Variants in LRBA observed in about 807,000 individuals in gnomAD.
LRBA encodes the protein lipopolysaccharide-responsive and beige-like anchor protein.
Under a neutral mutation model 330.0 loss-of-function variants are expected in LRBA, and 176 were observed. The observed-to-expected ratio is 0.53, with a 90% confidence interval of 0.47 to 0.60. The LOEUF is 0.60. Ranked by LOEUF, LRBA falls within the 20% of genes least tolerant of loss-of-function variation. The pLI is 0.00. For synonymous variants in LRBA, 1,230 were observed against 1,193.0 expected (o/e 1.03, Z -0.64); for missense variants, 3,259 against 3,444.8 (o/e 0.95, Z 1.35).
At chr4:150,882,971 A>T (rs1728564273) in intron 17 of LRBA, among the ~76,000 whole-genome samples, 1 of 152,192 alleles carries the variant, frequency 6.6e-6, no homozygotes, top group South Asian at 2.1e-4. Context: ...ATGAAAATTA[A>T]ATTGTCATTC....
intron 37 of LRBA, among the ~76,000 whole-genome samples, chr4:150,662,761 G>GT (rs1294184837): frequency 6.6e-6 from 1 of 152,162 alleles, no homozygotes; most frequent in East Asian, 1.9e-4. Context: ...CAGGCCTGGA[G>GT]TTTGAGACCA....
intron 2 of LRBA, among the ~76,000 whole-genome samples, chr4:150,944,495 A>G (rs139151538): frequency 7.2e-4 from 109 of 152,310 alleles, no homozygotes; most frequent in African/African-American, 2.3e-3. Flanking sequence ...ATTATTTGTG[A>G]CAGTTACTGC....
At chr4:150,706,592 C>T (rs892504472) in intron 36 of LRBA, among the ~76,000 whole-genome samples, 2 of 150,096 alleles carry the variant, frequency 1.3e-5, no homozygotes, top group Admixed American at 6.6e-5. Flanking sequence ...AATATCCACA[C>T]ATTTAACAAA....
At position 150,490,914 on chromosome 4, in the gene LRBA, T is replaced by C; in HGVS notation, c.6448+4A>G. ...TGTAACAACGTATTTCTGTAACACA[T>C]TACCTCTGTTTGCCATAAAGATCTC... On this transcript the variant is annotated splice_donor_region_variant and intron_variant, in intron 41 of 56. Coordinates refer to ENST00000651943, the MANE Select transcript of LRBA (RefSeq NM_001364905.1). 1 of 1,551,204 alleles carries C rather than the reference T, an allele frequency of 6.4e-7. No homozygotes were observed. Among genetic ancestry groups the C allele is most frequent in the Non-Finnish European group, 8.9e-7 (1 of 1,125,720 alleles).
intron 40 of LRBA, chr4:150,579,069 C>G: frequency 2.9e-6 from 1 of 345,552 alleles, no homozygotes; most frequent in Non-Finnish European, 5.7e-6. Context: ...ACAGATGAAT[C>G]GGTCTGAAGA....
intron 38 of LRBA, among the ~76,000 whole-genome samples, chr4:150,592,774 C>T (rs1048991166): frequency 3.3e-5 from 5 of 152,030 alleles, no homozygotes; most frequent in Admixed American, 3.3e-4. Context: ...ACCACAGGTG[C>T]TTGCCACCAT....
intron 51 of LRBA, chr4:150,315,135 G>T: frequency 4.5e-6 from 1 of 220,516 alleles, no homozygotes; most frequent in East Asian, 1.5e-4. Context: ...TTTTCATAAC[G>T]CAGTGCTGCT....
chr4:150,769,969 G>T (rs189634962), intron 34 of LRBA, among the ~76,000 whole-genome samples: 1 of 152,132 alleles, frequency 6.6e-6, no homozygotes, highest in African/African-American at 2.4e-5. Context: ...AATGCCCAGG[G>T]AGCTGATAAA....
rs760767212 is a variant in LRBA, at chr4:150,490,898, G to A, written c.6448+20C>T. 5.5e-5 allele frequency: 77 copies of A among 1,394,350 alleles called. 1 individual carries two copies. The highest frequency in any genetic ancestry group is 1.1e-4 in the South Asian group (9 of 82,852). The allele number at this position is 1,394,350 out of a possible 1,614,324, so 86.4% of individuals were successfully genotyped here. A position where few individuals can be genotyped will look rare whatever the true frequency, so the allele number is the denominator to read the frequency against. On this transcript the variant is annotated intron_variant, in intron 41 of 56. Transcript: ENST00000651943. The stretch of plus-strand genomic sequence containing the variant: ...AGATGGAAGTTAGCTCTGTAACAAC[G>A]TATTTCTGTAACACATTACCTCTGT...
chr4:150,556,977 G>C (rs1042944773), intron 40 of LRBA, among the ~76,000 whole-genome samples: 1 of 152,160 alleles, frequency 6.6e-6, no homozygotes, highest in African/African-American at 2.4e-5. Flanking sequence ...AAGGACGTTT[G>C]TTATGTGCTG....
intron 17 of LRBA, among the ~76,000 whole-genome samples, chr4:150,878,862 A>AT (rs761864448): frequency 0.036 from 5,127 of 140,758 alleles, 213 homozygotes; most frequent in African/African-American, 0.093. Context: ...TGGTCCAGGA[A>AT]TTTTTTTTTT....
At chr4:150,609,722 A>G (rs547545157) in intron 37 of LRBA, among the ~76,000 whole-genome samples, 68 of 152,278 alleles carry the variant, frequency 4.5e-4, no homozygotes, top group African/African-American at 1.5e-3. Flanking sequence ...CCTCTTCAAA[A>G]ATTTTGACGA....
intron 2 of LRBA, among the ~76,000 whole-genome samples, chr4:150,949,357 T>C (rs1465192733): frequency 6.6e-6 from 1 of 152,072 alleles, no homozygotes; most frequent in Non-Finnish European, 1.5e-5. Flanking sequence ...CTTCTGGAGA[T>C]TCTTCAACTG....
At chr4:150,996,840 A>G (rs1438864147) in intron 2 of LRBA, among the ~76,000 whole-genome samples, 1 of 152,194 alleles carries the variant, frequency 6.6e-6, no homozygotes, top group Non-Finnish European at 1.5e-5. Context: ...ACACTTGAGC[A>G]TCATTGACCA....
rs1187628466 is a variant in LRBA, at chr4:150,325,741, G to A, written c.7452+68C>T. ...GTGGAGAAACTCAAGCACAATGAAA[G>A]ACTGTTATGAATATCAAGCGGATCT... is the stretch of plus-strand genomic sequence containing the variant. On this transcript the variant is annotated intron_variant, in intron 49 of 56. Coordinates refer to ENST00000651943, the MANE Select transcript of LRBA (RefSeq NM_001364905.1). The A allele has an allele frequency of 2.8e-6, 3 of 1,072,808 alleles. No individual in the cohort carries two copies. In the East Asian group the frequency reaches 7.1e-5, roughly 26 times the overall value. The allele number at this position is 1,072,808 out of a possible 1,614,324, so 66.5% of individuals were successfully genotyped here. A position where few individuals can be genotyped will look rare whatever the true frequency, so the allele number is the denominator to read the frequency against.
At chr4:150,652,608 AATAAT>A (rs1378674517) in intron 37 of LRBA, among the ~76,000 whole-genome samples, 11 of 152,220 alleles carry the variant, frequency 7.2e-5, no homozygotes, top group Non-Finnish European at 1.2e-4. Context: ...AATTAATTCT[AATAAT>A]ATATTTTTAA....
Position 150,769,281 on chromosome 4 carries a change from G to GAT in LRBA, c.5581-7436_5581-7435dup, listed in dbSNP as rs558709839. Among the ~76,000 whole-genome samples the GAT allele has an allele frequency of 2.2e-4, 34 of 152,002 alleles. No individual in the cohort carries two copies. In the South Asian group the frequency reaches 3.3e-3, roughly 15 times the overall value. On this transcript the variant is annotated intron_variant, in intron 34 of 56. Coordinates refer to ENST00000651943, the MANE Select transcript of LRBA (RefSeq NM_001364905.1). Reference sequence around the variant, plus strand: ...ATTTCTATGCCCCGGTATTAATCAGGATTCTTCAGAGACACAGAACGAATG... The same window carrying GAT: ...ATTTCTATGCCCCGGTATTAATCAGGATATTCTTCAGAGACACAGAACGAATG...
At chr4:150,836,501 G>A (rs567678941) in intron 28 of LRBA, among the ~76,000 whole-genome samples, 1 of 152,250 alleles carries the variant, frequency 6.6e-6, no homozygotes, top group Admixed American at 6.5e-5. Flanking sequence ...TCTCTTCAGG[G>A]ATTCAACTTC....
chr4:150,523,645 C>T (rs1481749781), intron 40 of LRBA, among the ~76,000 whole-genome samples: 1 of 152,136 alleles, frequency 6.6e-6, no homozygotes, highest in Non-Finnish European at 1.5e-5. Context: ...GTAACTTCAT[C>T]ACTTGATTAA....
Sources: gnomAD v4.1 joint callset for allele counts (sites outside exome capture counted in the v4.1 genomes callset) on GRCh38, gnomAD v4.1.1 for gene constraint, MANE v1.5 for transcripts, NCBI Gene and HGNC (gene_info 2026-07-23, HGNC 2026-07-21) for gene names.